Variants in TRERF1 observed in about 807,000 individuals in gnomAD.
TRERF1 encodes transcriptional-regulating factor 1.
In TRERF1, 27 loss-of-function variants were observed where a neutral mutation model predicts 122.9. The observed-to-expected ratio is 0.22, with a 90% CI of 0.16 to 0.30. TRERF1 has a LOEUF of 0.30. TRERF1 is among the 10% of genes least tolerant of loss of function. TRERF1 has a pLI of 1.00. For synonymous variants in TRERF1, 636 were observed against 641.7 expected (o/e 0.99, Z 0.13); for missense variants, 1,248 against 1,560.3 (o/e 0.80, Z 3.37).
intron 3 of TRERF1, among the ~76,000 whole-genome samples, chr6:42,344,278 G>A (rs1767859874): frequency 6.6e-6 from 1 of 152,198 alleles, no homozygotes; most frequent in Non-Finnish European, 1.5e-5. Flanking sequence ...TCGCAGGTCA[G>A]GTGCCAGTAG....
intron 12 of TRERF1, 126 bp downstream of exon 12, chr6:42,256,602 C>G: frequency 1.4e-6 from 1 of 717,382 alleles, no homozygotes; most frequent in South Asian, 1.7e-5. Flanking sequence ...AATAGGGAGG[C>G]GTGCTGATTG....
At chr6:42,443,152 C>T (rs568512673) in intron 2 of TRERF1, among the ~76,000 whole-genome samples, 16 of 152,280 alleles carry the variant, frequency 1.1e-4, no homozygotes, top group Non-Finnish European at 1.8e-4. Context: ...TCAAAATCAA[C>T]GACACATATT....
rs1003013561 is a variant in TRERF1, at chr6:42,275,633, G to A, written c.-258-5785C>T. The stretch of plus-strand genomic sequence containing the variant: ...AACTGCAACACTGCGCTAGGCAAAG[G>A]AGACCTAGAGTGGCTTGTTCCCCTC... On this transcript the variant is annotated intron_variant, in intron 4 of 17. Transcript: ENST00000372922. The surrounding 1 kb of genome is among the most constrained non-coding windows in gnomAD (Gnocchi z 4.1). 5.3e-5 allele frequency among the ~76,000 whole-genome samples: 8 copies of A among 152,214 alleles called. No individual in the cohort carries two copies. The highest frequency in any genetic ancestry group is 1.2e-4 in the Non-Finnish European group (8 of 68,040).
At chr6:42,369,417 C>G (rs899815241) in intron 2 of TRERF1, among the ~76,000 whole-genome samples, 5 of 152,140 alleles carry the variant, frequency 3.3e-5, no homozygotes, top group African/African-American at 9.7e-5. Flanking sequence ...GCACTCCAAC[C>G]TGGGCAACAG....
chr6:42,386,195 T>C (rs1329621009), intron 2 of TRERF1, among the ~76,000 whole-genome samples: 1 of 152,180 alleles, frequency 6.6e-6, no homozygotes, highest in Non-Finnish European at 1.5e-5. Flanking sequence ...AAAAACACAG[T>C]GTCAGGCACT....
intron 2 of TRERF1, among the ~76,000 whole-genome samples, chr6:42,437,099 C>T (rs146173304): frequency 1.0e-3 from 154 of 152,090 alleles, no homozygotes; most frequent in Non-Finnish European, 1.7e-3. Flanking sequence ...GCTAGTTAAT[C>T]TTCCTAATAA....
chr6:42,385,688 C>T (rs1331853892), intron 2 of TRERF1, among the ~76,000 whole-genome samples: 1 of 152,176 alleles, frequency 6.6e-6, no homozygotes, highest in Admixed American at 6.5e-5. Flanking sequence ...TCAAAGGCAC[C>T]ACTGACATCA....
At chr6:42,323,766 C>G (rs895439225) in intron 3 of TRERF1, among the ~76,000 whole-genome samples, 1 of 152,152 alleles carries the variant, frequency 6.6e-6, no homozygotes, top group Middle Eastern at 3.4e-3. Context: ...TGGTTGGCCC[C>G]GAAGGTTGAG....
intron 2 of TRERF1, among the ~76,000 whole-genome samples, chr6:42,439,392 G>A (rs550046224): frequency 6.6e-6 from 1 of 152,248 alleles, no homozygotes; most frequent in South Asian, 2.1e-4. Flanking sequence ...GGGTGCTGGG[G>A]ACACAATAAA....
Position 42,269,791 on chromosome 6 carries a change from C to T in TRERF1, c.-201G>A. ...TGTGCAGGGCGGGGGGTTTCACATC[C>T]TCTCCCTGGCTGAGGTATAGACCAC... On this transcript the variant is annotated 5_prime_UTR_variant, in exon 5 of 18. Transcript: ENST00000372922. This position sits in a 1 kb window ranked among gnomAD's most constrained non-coding sequence, Gnocchi z 4.9. 1 of 1,411,040 alleles carries T rather than the reference C, an allele frequency of 7.1e-7. No individual in the cohort carries two copies. The highest frequency in any genetic ancestry group is 9.3e-7 in the Non-Finnish European group (1 of 1,080,066). 87.4% of individuals were successfully genotyped at this position (1,411,040 alleles called of 1,614,324 possible). A position where few individuals can be genotyped will look rare whatever the true frequency, so the allele number is the denominator to read the frequency against.
Position 42,259,599 on chromosome 6 carries a change from T to A in TRERF1, c.2009A>T (p.Asn670Ile). Residue 670 changes from asparagine (N) to isoleucine (I), a missense_variant, in exon 9 of 18, where the codon AAC becomes ATC. Asn to Ile is a moderately radical substitution (Grantham distance 149, BLOSUM62 -3). Transcript: ENST00000372922. The surrounding 1 kb of genome is among the most constrained non-coding windows in gnomAD (Gnocchi z 4.9). ...CGAGTAGGAGGCAGCGGGGTTCGGG[T>A]TGTAGGAGGGCGGCGGCGGGATGAA... 1 of 1,613,638 alleles carries A rather than the reference T, an allele frequency of 6.2e-7. No homozygotes were observed. The highest frequency in any genetic ancestry group is 2.2e-5 in the East Asian group (1 of 44,868).
At chr6:42,432,308 A>C (rs1052706387) in intron 2 of TRERF1, among the ~76,000 whole-genome samples, 1 of 152,238 alleles carries the variant, frequency 6.6e-6, no homozygotes, top group Non-Finnish European at 1.5e-5. Context: ...CTATAGTTTT[A>C]TTTTTGTACA....
chr6:42,380,333 C>T (rs1775704612), intron 2 of TRERF1, among the ~76,000 whole-genome samples: 1 of 152,186 alleles, frequency 6.6e-6, no homozygotes. Flanking sequence ...CAGGGAACAA[C>T]TGACCTGACC....
At chr6:42,360,109 C>A (rs1485968544) in intron 3 of TRERF1, among the ~76,000 whole-genome samples, 2 of 152,214 alleles carry the variant, frequency 1.3e-5, no homozygotes, top group African/African-American at 4.8e-5. Flanking sequence ...ATAAAGGTGA[C>A]AATATTTGGC....
chr6:42,360,002 C>T (rs991373649), intron 3 of TRERF1, among the ~76,000 whole-genome samples: 3 of 152,006 alleles, frequency 2.0e-5, no homozygotes, highest in East Asian at 3.8e-4. Flanking sequence ...TATTTTAATA[C>T]CTTTATTTAC....
chr6:42,254,305 G>A (rs1776333486), intron 13 of TRERF1, among the ~76,000 whole-genome samples: 1 of 152,174 alleles, frequency 6.6e-6, no homozygotes, highest in Non-Finnish European at 1.5e-5. Flanking sequence ...TCAGTGTTTA[G>A]CAAGTCCCTA....
chr6:42,401,370 C>T (rs370195757), intron 2 of TRERF1, among the ~76,000 whole-genome samples: 6 of 152,294 alleles, frequency 3.9e-5, no homozygotes, highest in Non-Finnish European at 7.3e-5. Flanking sequence ...TTACAATTAA[C>T]ACCTTTTCAG....
At chr6:42,382,173 C>T (rs1776053325) in intron 2 of TRERF1, among the ~76,000 whole-genome samples, 1 of 151,194 alleles carries the variant, frequency 6.6e-6, no homozygotes, top group South Asian at 2.1e-4. Context: ...TACGGTTCCT[C>T]GGAGTCTCCA....
At chr6:42,385,740 A>G (rs1372183375) in intron 2 of TRERF1, among the ~76,000 whole-genome samples, 2 of 152,246 alleles carry the variant, frequency 1.3e-5, no homozygotes, top group Non-Finnish European at 2.9e-5. Context: ...TCATCATAAA[A>G]TAACCCTTAT....
Sources: allele counts gnomAD v4.1 joint callset (sites outside exome capture counted in the v4.1 genomes callset), GRCh38; gene constraint gnomAD v4.1.1; non-coding constraint Gnocchi (gnomAD v3.1); transcripts MANE v1.5; gene names NCBI Gene and HGNC (gene_info 2026-07-23, HGNC 2026-07-21).